NXPH1: variants seen among roughly 807,000 people sequenced by gnomAD.
The protein encoded by NXPH1 is neurexophilin-1.
In NXPH1, 5 loss-of-function variants were observed where a neutral mutation model predicts 23.7. The observed-to-expected ratio is 0.21, with a 90% CI of 0.11 to 0.44. NXPH1 has a LOEUF of 0.44. NXPH1 is among the 20% of genes least tolerant of loss of function. The pLI is 0.99. For synonymous variants in NXPH1, 144 were observed against 122.2 expected (o/e 1.18, Z -1.18); for missense variants, 324 against 321.6 (o/e 1.01, Z -0.06).
chr7:8,600,199 G>A (rs1176018183), intron 2 of NXPH1, among the ~76,000 whole-genome samples: 4 of 141,452 alleles, frequency 2.8e-5, no homozygotes, highest in Admixed American at 6.8e-5. Context: ...TAAGAAAGTA[G>A]GCAAAGGCCT....
At chr7:8,533,185 A>G (rs185231659) in intron 2 of NXPH1, among the ~76,000 whole-genome samples, 10 of 152,084 alleles carry the variant, frequency 6.6e-5, no homozygotes, top group Admixed American at 3.3e-4. Context: ...AACACCACAT[A>G]TTTTACCCAC....
At chr7:8,684,248 C>A (rs991824929) in intron 2 of NXPH1, among the ~76,000 whole-genome samples, 1 of 152,142 alleles carries the variant, frequency 6.6e-6, no homozygotes, top group Admixed American at 6.6e-5. Flanking sequence ...CCGTGAGGCA[C>A]CTTTGCCATT....
At chr7:8,443,608 A>T (rs1816344486) in intron 2 of NXPH1, among the ~76,000 whole-genome samples, 1 of 152,184 alleles carries the variant, frequency 6.6e-6, no homozygotes, top group Admixed American at 6.5e-5. Context: ...ATTATTATGA[A>T]TTTCTAAAGG....
intron 2 of NXPH1, among the ~76,000 whole-genome samples, chr7:8,523,539 G>A (rs1817810408): frequency 6.6e-6 from 1 of 152,162 alleles, no homozygotes; most frequent in Non-Finnish European, 1.5e-5. Context: ...TGTTCTAAAT[G>A]TTCTTAGAGG....
At chr7:8,506,472 A>T (rs886584476) in intron 2 of NXPH1, among the ~76,000 whole-genome samples, 12 of 152,088 alleles carry the variant, frequency 7.9e-5, no homozygotes, top group Non-Finnish European at 4.4e-5. Context: ...AGTTTATTCA[A>T]CTATCTAGTG....
intron 2 of NXPH1, among the ~76,000 whole-genome samples, chr7:8,496,527 T>C (rs1427065794): frequency 1.3e-5 from 2 of 152,054 alleles, no homozygotes; most frequent in African/African-American, 4.8e-5. Flanking sequence ...CCCAAGTCTT[T>C]AATTGGAGTC....
intron 2 of NXPH1, among the ~76,000 whole-genome samples, chr7:8,555,714 C>T (rs549346502): frequency 4.1e-4 from 62 of 151,822 alleles, no homozygotes; most frequent in African/African-American, 1.4e-3. Flanking sequence ...GTTTCCTTCA[C>T]AGATCTTGGC....
intron 2 of NXPH1, among the ~76,000 whole-genome samples, chr7:8,517,901 G>T (rs941967583): frequency 1.3e-5 from 2 of 152,122 alleles, no homozygotes; most frequent in African/African-American, 4.8e-5. Flanking sequence ...CCATGTTTTG[G>T]TGAACAGAAT....
At chr7:8,662,557 TA>T (rs1379200794) in intron 2 of NXPH1, among the ~76,000 whole-genome samples, 7 of 152,110 alleles carry the variant, frequency 4.6e-5, no homozygotes, top group African/African-American at 1.7e-4. Context: ...TTTATGTAGG[TA>T]TTTTTTTTAA....
At chr7:8,492,653 C>T (rs569861880) in intron 2 of NXPH1, among the ~76,000 whole-genome samples, 6 of 152,044 alleles carry the variant, frequency 3.9e-5, no homozygotes, top group Middle Eastern at 3.4e-3. Flanking sequence ...TGGAAGATGG[C>T]GCCATCATCA....
intron 2 of NXPH1, among the ~76,000 whole-genome samples, chr7:8,662,848 A>G (rs985282459): frequency 1.3e-5 from 2 of 152,120 alleles, no homozygotes; most frequent in Non-Finnish European, 2.9e-5. Context: ...ATATTTTAAA[A>G]TACGTGTCAT....
intron 2 of NXPH1, among the ~76,000 whole-genome samples, chr7:8,596,611 T>A (rs1011708434): frequency 6.6e-6 from 1 of 152,146 alleles, no homozygotes. Flanking sequence ...TCATTAAACA[T>A]TTACTATGCT....
intron 2 of NXPH1, among the ~76,000 whole-genome samples, chr7:8,744,938 C>G (rs1780442473): frequency 6.6e-6 from 1 of 152,072 alleles, no homozygotes; most frequent in South Asian, 2.1e-4. Flanking sequence ...ATTAGTCTCC[C>G]TTCCTTCAAG....
chr7:8,701,062 G>C (rs541531659), intron 2 of NXPH1, among the ~76,000 whole-genome samples: 1 of 152,074 alleles, frequency 6.6e-6, no homozygotes, highest in African/African-American at 2.4e-5. Context: ...TAAAACCACT[G>C]AATCACCTTC....
chr7:8,546,268 T>C (rs1032435142), intron 2 of NXPH1, among the ~76,000 whole-genome samples: 1 of 151,410 alleles, frequency 6.6e-6, no homozygotes. Flanking sequence ...CTCCCATTCA[T>C]GACAAAGGGA....
intron 2 of NXPH1, among the ~76,000 whole-genome samples, chr7:8,473,062 C>T (rs1390375738): frequency 6.6e-6 from 1 of 152,188 alleles, no homozygotes; most frequent in Non-Finnish European, 1.5e-5. Context: ...CCAAGATCTG[C>T]ACCCAAGAAC....
chr7:8,716,453 AT>A (rs941470156), intron 2 of NXPH1, among the ~76,000 whole-genome samples: 1 of 152,184 alleles, frequency 6.6e-6, no homozygotes. Context: ...GTGTGACAAA[AT>A]TTTTTGTTTA....
In NXPH1 at chr7:8,435,667, C is replaced by T. The variant is rs377722922; in HGVS notation, c.-47C>T. ...AGGTGGATCTATGTTTCTGAAGGAA[C>T]AAAGACTCAAAGAAGGCACCGCCAA... On this transcript the variant is annotated 5_prime_UTR_variant, in exon 2 of 3. The change creates a premature stop within an existing upstream ORF in the 5' untranslated region. Coordinates refer to ENST00000405863, the MANE Select transcript of NXPH1 (RefSeq NM_152745.3). The surrounding 1 kb of genome is among the most constrained non-coding windows in gnomAD (Gnocchi z 5.9). 6.3e-7 allele frequency: 1 copy of T among 1,576,134 alleles called. No individual in the cohort carries two copies. Among genetic ancestry groups the T allele is most frequent in the Non-Finnish European group, 8.7e-7 (1 of 1,145,560 alleles).
chr7:8,662,225 G>A (rs1820689422), intron 2 of NXPH1, among the ~76,000 whole-genome samples: 1 of 151,100 alleles, frequency 6.6e-6, no homozygotes, highest in Non-Finnish European at 1.5e-5. Flanking sequence ...TGTATCTCAA[G>A]AAGAGATGGA....
Sources: allele counts gnomAD v4.1 joint callset (sites outside exome capture counted in the v4.1 genomes callset), GRCh38; gene constraint gnomAD v4.1.1; non-coding constraint Gnocchi (gnomAD v3.1); transcripts MANE v1.5; gene names NCBI Gene and HGNC (gene_info 2026-07-23, HGNC 2026-07-21).